Variants in BRINP1 observed in about 807,000 individuals in gnomAD.
The protein encoded by BRINP1 is BMP/retinoic acid-inducible neural-specific protein 1.
In BRINP1, 17 loss-of-function variants were observed where a neutral mutation model predicts 72.9. The observed-to-expected ratio is 0.23, with a 90% CI of 0.16 to 0.35. BRINP1 has a LOEUF of 0.35. Ranked by LOEUF, BRINP1 falls within the 10% of genes least tolerant of loss-of-function variation. The pLI is 1.00. For missense variants in BRINP1, 850 were observed against 1,001.6 expected (o/e 0.85, Z 2.04); for synonymous variants, 418 against 378.5 (o/e 1.10, Z -1.21).
chr9:119,221,459 C>T (rs1291557030), intron 5 of BRINP1, among the ~76,000 whole-genome samples: 1 of 152,092 alleles, frequency 6.6e-6, no homozygotes, highest in African/African-American at 2.4e-5. Context: ...GTATCCATCG[C>T]TGACAGCTCA....
chr9:119,169,871 C>T (rs1046064526), intron 7 of BRINP1, among the ~76,000 whole-genome samples: 1 of 152,148 alleles, frequency 6.6e-6, no homozygotes, highest in Non-Finnish European at 1.5e-5. Context: ...AGCAGGGGCA[C>T]ACTGACACGT....
In BRINP1 at chr9:119,167,630, C is replaced by A. The variant is rs867397718; in HGVS notation, c.1740G>T (p.Gly580=). 1.2e-6 allele frequency: 2 copies of A among 1,613,962 alleles called. No individual in the cohort carries two copies. The highest frequency in any genetic ancestry group is 2.2e-5 in the South Asian group (2 of 91,092). ...TCTCCCAGCGTGGGTAGCCAAATTC[C>A]CCGAAGGGCATGTTCCAGCCCTCCG... ...SHSEGWNMPF[G]EFGYPRWEKI... Residue 580 remains glycine, a synonymous_variant, in exon 8 of 8, where the codon GGG becomes GGT. Transcript: ENST00000265922. The surrounding 1 kb of genome is among the most constrained non-coding windows in gnomAD (Gnocchi z 4.3).
intron 5 of BRINP1, among the ~76,000 whole-genome samples, chr9:119,232,138 C>T (rs112038737): frequency 3.9e-4 from 59 of 152,278 alleles, no homozygotes; most frequent in Non-Finnish European, 7.5e-4. Context: ...GTTGCTCAGG[C>T]AAAACTTTGG....
At chr9:119,265,930 C>T (rs1036175882) in intron 2 of BRINP1, among the ~76,000 whole-genome samples, 43 of 152,192 alleles carry the variant, frequency 2.8e-4, no homozygotes, top group African/African-American at 9.2e-4. Flanking sequence ...TTGTTCCCTT[C>T]TTTTCAACCA....
At chr9:119,350,052 T>C (rs985687402) in intron 1 of BRINP1, among the ~76,000 whole-genome samples, 2 of 152,132 alleles carry the variant, frequency 1.3e-5, no homozygotes, top group Admixed American at 6.5e-5. Context: ...ACGGACATGT[T>C]TGGGTGCTCT....
intron 5 of BRINP1, among the ~76,000 whole-genome samples, chr9:119,235,261 T>C (rs1830183044): frequency 6.6e-6 from 1 of 152,210 alleles, no homozygotes; most frequent in Non-Finnish European, 1.5e-5. Flanking sequence ...CAAATTAACT[T>C]TCAACTCATT....
chr9:119,337,958 G>A (rs1831364154), intron 1 of BRINP1, among the ~76,000 whole-genome samples: 1 of 152,154 alleles, frequency 6.6e-6, no homozygotes, highest in African/African-American at 2.4e-5. Context: ...TTCTAATCCT[G>A]GCTCCTCCAT....
chr9:119,167,267 G>A lies in BRINP1; in HGVS notation c.2103C>T (p.Asp701=), dbSNP rs1472461570. 6.2e-7 allele frequency: 1 copy of A among 1,614,144 alleles called. No individual in the cohort carries two copies. The highest frequency in any genetic ancestry group is 1.7e-5 in the Admixed American group (1 of 60,018). The change falls in exon 8 of 8, where the codon GAC becomes GAT. Residue 701 remains aspartate (D), a synonymous_variant. Transcript: ENST00000265922. This position sits in a 1 kb window ranked among gnomAD's most constrained non-coding sequence, Gnocchi z 4.3. ...CAGGAGGGGCCAGGCGATTAATTCG[G>A]TCCCGAATATCCAACAAGAGGAGCA... ...SVMLLLLDIR[D]RINRLAPPVA... is the part of the protein sequence containing the mutation.
chr9:119,274,563 C>T (rs1308398426), intron 2 of BRINP1, among the ~76,000 whole-genome samples: 2 of 152,196 alleles, frequency 1.3e-5, no homozygotes, highest in Admixed American at 1.3e-4. Flanking sequence ...GAGGAACACA[C>T]ATTCTTTTGC....
intron 2 of BRINP1, among the ~76,000 whole-genome samples, chr9:119,302,625 C>G (rs141570265): frequency 6.6e-6 from 1 of 152,060 alleles, no homozygotes; most frequent in Non-Finnish European, 1.5e-5. Context: ...ATGACCTGAC[C>G]TCACTATTGA....
chr9:119,333,063 T>G (rs920963984), intron 1 of BRINP1, among the ~76,000 whole-genome samples: 1 of 152,046 alleles, frequency 6.6e-6, no homozygotes, highest in Non-Finnish European at 1.5e-5. Flanking sequence ...CTTAGGCTCT[T>G]AATTCACATT....
chr9:119,364,501 C>T (rs1044525291), intron 1 of BRINP1, among the ~76,000 whole-genome samples: 17 of 152,154 alleles, frequency 1.1e-4, no homozygotes, highest in African/African-American at 3.6e-4. Context: ...ACCTTCATAC[C>T]ATCAATTTCA....
intron 1 of BRINP1, among the ~76,000 whole-genome samples, chr9:119,333,613 T>C (rs538859542): frequency 8.5e-5 from 13 of 152,180 alleles, no homozygotes; most frequent in African/African-American, 2.7e-4. Context: ...TTTAATGCAT[T>C]TGTGGGGATG....
chr9:119,250,783 C>T (rs201384720), intron 2 of BRINP1, among the ~76,000 whole-genome samples: 44 of 152,236 alleles, frequency 2.9e-4, no homozygotes, highest in African/African-American at 1.1e-3. Flanking sequence ...ACCAGCTCTC[C>T]GACCTGCCTG....
At chr9:119,272,635 A>T (rs1167089342) in intron 2 of BRINP1, among the ~76,000 whole-genome samples, 2 of 152,170 alleles carry the variant, frequency 1.3e-5, no homozygotes, top group Non-Finnish European at 2.9e-5. Context: ...GAGAAGGGGA[A>T]CATGGACTCT....
intron 5 of BRINP1, among the ~76,000 whole-genome samples, chr9:119,232,044 T>G (rs141911258): frequency 1.9e-4 from 29 of 152,300 alleles, no homozygotes; most frequent in Non-Finnish European, 3.5e-4. Flanking sequence ...CCAACTCAAC[T>G]AGGTTTGAAC....
At chr9:119,332,772 T>A (rs1440252064) in intron 1 of BRINP1, among the ~76,000 whole-genome samples, 1 of 152,150 alleles carries the variant, frequency 6.6e-6, no homozygotes, top group East Asian at 1.9e-4. Flanking sequence ...CCAGCCTAGA[T>A]CAGTGAGCCT....
intron 5 of BRINP1, among the ~76,000 whole-genome samples, chr9:119,226,740 A>G (rs1312330503): frequency 6.6e-6 from 1 of 152,052 alleles, no homozygotes; most frequent in Non-Finnish European, 1.5e-5. Context: ...GGTCACACCT[A>G]CACAAGTTGG....
intron 7 of BRINP1, among the ~76,000 whole-genome samples, chr9:119,180,470 T>C (rs577704316): frequency 1.6e-5 from 2 of 127,500 alleles, no homozygotes; most frequent in Admixed American, 1.6e-4. Context: ...TGTGTGACTC[T>C]CTCTGTGCAT....
Sources: allele counts gnomAD v4.1 joint callset (sites outside exome capture counted in the v4.1 genomes callset), GRCh38; gene constraint gnomAD v4.1.1; non-coding constraint Gnocchi (gnomAD v3.1); transcripts MANE v1.5; gene names NCBI Gene and HGNC (gene_info 2026-07-23, HGNC 2026-07-21).